Variants in TMPRSS15 observed in about 807,000 individuals in gnomAD.
The protein encoded by TMPRSS15 is enteropeptidase.
In TMPRSS15, 128 loss-of-function variants were observed where a neutral mutation model predicts 125.3. The ratio of observed to expected loss-of-function variants is 1.02; its 90% CI spans 0.89 to 1.18. TMPRSS15 has a LOEUF of 1.18. Ranked by LOEUF, TMPRSS15 falls within the 50% of genes most tolerant of loss-of-function variation. The probability of loss-of-function intolerance (pLI) is 0.00; values close to 1 mark genes in which losing one functional copy is unlikely to be tolerated. For missense variants in TMPRSS15, 1,283 were observed against 1,212.7 expected (o/e 1.06, Z -0.86); for synonymous variants, 446 against 423.2 (o/e 1.05, Z -0.66).
chr21:18,476,741 G>A (rs1461355298), intron 1 of TMPRSS15, among the ~76,000 whole-genome samples: 1 of 152,020 alleles, frequency 6.6e-6, no homozygotes. Flanking sequence ...TACAAGAAAA[G>A]GCTTTCATAC....
At chr21:18,441,082 C>T (rs1035279140) in intron 1 of TMPRSS15, among the ~76,000 whole-genome samples, 5 of 150,150 alleles carry the variant, frequency 3.3e-5, no homozygotes, top group African/African-American at 1.2e-4. Context: ...CACCTGAGGT[C>T]AGGAGTTCGA....
chr21:18,412,867 T>C (rs1476297637), intron 1 of TMPRSS15, among the ~76,000 whole-genome samples: 2 of 152,182 alleles, frequency 1.3e-5, no homozygotes, highest in African/African-American at 2.4e-5. Flanking sequence ...GTAAAATTGG[T>C]TAGGTGTAGG....
intron 8 of TMPRSS15, among the ~76,000 whole-genome samples, chr21:18,355,327 T>C (rs536526188): frequency 1.3e-5 from 2 of 151,924 alleles, no homozygotes; most frequent in East Asian, 3.9e-4. Context: ...CCTTAGTGTG[T>C]TGGATTTCAT....
intron 21 of TMPRSS15, among the ~76,000 whole-genome samples, chr21:18,293,148 ATCTTTTAATGTTCAT>A (rs1240716578): frequency 2.0e-5 from 3 of 152,172 alleles, no homozygotes; most frequent in African/African-American, 7.2e-5. Context: ...CATAAGTGCA[ATCTTTTAATGTTCAT>A]TCTACCTGGC....
At chr21:18,411,290 A>G (rs2076165378) in intron 1 of TMPRSS15, among the ~76,000 whole-genome samples, 1 of 152,122 alleles carries the variant, frequency 6.6e-6, no homozygotes, top group South Asian at 2.1e-4. Context: ...ACCCAGCTGT[A>G]TATATAAGGA....
At position 18,309,198 on chromosome 21, in the gene TMPRSS15, A is replaced by C. The variant is rs1006437533; in HGVS notation, c.2165+3747T>G. On this transcript the variant is annotated intron_variant, in intron 18 of 24. Transcript: ENST00000284885. ...TTCCACAATGTTGGGAAAACTGGCT[A>C]GCCATATGCAGAAAACTGAAACTGG... Among the ~76,000 whole-genome samples the C allele has an allele frequency of 2.6e-5, 4 of 152,198 alleles. No homozygotes were observed. In the South Asian group the frequency reaches 8.3e-4, roughly 31 times the overall value.
In TMPRSS15 at chr21:18,329,225, T is replaced by C. The variant is rs2146965603; in HGVS notation, c.1724A>G (p.Asn575Ser). 1.2e-6 allele frequency: 2 copies of C among 1,612,816 alleles called. No homozygotes were observed. Among genetic ancestry groups the C allele is most frequent in the East Asian group, 2.2e-5 (1 of 44,704 alleles). The change falls in exon 15 of 25, where the codon AAT becomes AGT. Residue 575 changes from asparagine to serine, a missense_variant. Asn to Ser is a conservative substitution (Grantham distance 46, BLOSUM62 1). Transcript: ENST00000284885. The stretch of plus-strand genomic sequence containing the variant: ...TCTTATTTCAACTACATCGTTAATA[T>C]TTTCTAAGTCAAATTCTTGAAAATG... ...QLHFQEFDLE[N>S]INDVVEIRDG...
At position 18,384,849 on chromosome 21, in the gene TMPRSS15, A is replaced by G. The variant is rs189037413; in HGVS notation, c.345-1071T>C. Among the ~76,000 whole-genome samples, 237 of 152,308 alleles carry G rather than the reference A, an allele frequency of 1.6e-3. 1 individual carries two copies. The highest frequency in any genetic ancestry group is 3.0e-3 in the Non-Finnish European group (203 of 68,022). On this transcript the variant is annotated intron_variant, in intron 3 of 24. Coordinates refer to ENST00000284885, the MANE Select transcript of TMPRSS15 (RefSeq NM_002772.3). ...CTTGTTGAAGGATTTTCTCAAGTCC[A>G]GTAGAATTCTTTATTTATCTCTCCA...
chr21:18,420,748 C>A (rs181387044), intron 1 of TMPRSS15, among the ~76,000 whole-genome samples: 17 of 152,232 alleles, frequency 1.1e-4, no homozygotes, highest in South Asian at 1.0e-3. Flanking sequence ...GCGAGATTCA[C>A]AATGTAGATG....
chr21:18,399,411 T>C (rs892770728), intron 1 of TMPRSS15, among the ~76,000 whole-genome samples: 3 of 152,136 alleles, frequency 2.0e-5, no homozygotes, highest in Non-Finnish European at 4.4e-5. Flanking sequence ...AATTGCATAA[T>C]TGATGTAACA....
chr21:18,388,290 T>A (rs1023384759), intron 3 of TMPRSS15, among the ~76,000 whole-genome samples: 2 of 152,132 alleles, frequency 1.3e-5, no homozygotes, highest in African/African-American at 4.8e-5. Flanking sequence ...TAGGTAGCTA[T>A]AAAGGAGGGG....
At chr21:18,432,080 T>C (rs1479047412) in intron 1 of TMPRSS15, among the ~76,000 whole-genome samples, 1 of 152,170 alleles carries the variant, frequency 6.6e-6, no homozygotes, top group Non-Finnish European at 1.5e-5. Flanking sequence ...TCTGAATAAT[T>C]TGTAGCTTCC....
chr21:18,393,185 T>C (rs2076005593), intron 3 of TMPRSS15, among the ~76,000 whole-genome samples: 1 of 152,088 alleles, frequency 6.6e-6, no homozygotes, highest in Admixed American at 6.5e-5. Flanking sequence ...TTTAGTATGA[T>C]AGCACTAGAA....
chr21:18,340,353 C>T (rs2075434340), intron 13 of TMPRSS15, among the ~76,000 whole-genome samples: 2 of 151,922 alleles, frequency 1.3e-5, no homozygotes, highest in African/African-American at 4.8e-5. Flanking sequence ...GACTCTTGGA[C>T]CTACACCTGG....
chr21:18,308,559 A>G (rs1440863232), intron 18 of TMPRSS15, among the ~76,000 whole-genome samples: 2 of 151,812 alleles, frequency 1.3e-5, no homozygotes, highest in Non-Finnish European at 2.9e-5. Context: ...GTTTAAAAGT[A>G]CATATATGAA....
At chr21:18,333,759 G>A (rs1167611728) in intron 13 of TMPRSS15, among the ~76,000 whole-genome samples, 1 of 152,054 alleles carries the variant, frequency 6.6e-6, no homozygotes. Flanking sequence ...AGGTCTTCCA[G>A]CTCAGAGTCT....
chr21:18,359,862 C>T lies in TMPRSS15; in HGVS notation c.775G>A (p.Val259Ile), dbSNP rs2075663582. ...TSVVCQWIIRVNQGLSIKLSF... is the reference protein window; with the variant it reads ...TSVVCQWIIRINQGLSIKLSF... ...AGTTTAATGGAAAGTCCTTGGTTTA[C>T]ACTAAATTAAAAGCAAAAAATAGAT... The change falls in exon 8 of 25, where the codon GTA becomes ATA. Residue 259 changes from valine (V) to isoleucine (I), a missense_variant and splice_region_variant. By Grantham distance (29) the Val-to-Ile change is conservative. Coordinates refer to ENST00000284885, the MANE Select transcript of TMPRSS15 (RefSeq NM_002772.3). The T allele has an allele frequency of 3.4e-6, 5 of 1,455,250 alleles. No individual in the cohort carries two copies. The East Asian group carries it at 1.1e-4, about 33-fold the overall frequency. 90.1% of individuals were successfully genotyped at this position (1,455,250 alleles called of 1,614,324 possible).
rs552447925 is a variant in TMPRSS15, at chr21:18,325,410, G to T, written c.1921+1022C>A. ...GGCCAGATGGTAGACCTCTTTATCT[G>T]CCATAAAGATTAAGGCAGGCAGCTT... On this transcript the variant is annotated intron_variant, in intron 16 of 24. Coordinates refer to ENST00000284885, the MANE Select transcript of TMPRSS15 (RefSeq NM_002772.3). Among the ~76,000 whole-genome samples the T allele has an allele frequency of 2.6e-5, 4 of 152,158 alleles. No homozygotes were observed. The South Asian group carries it at 8.3e-4, about 32-fold the overall frequency.
chr21:18,425,130 A>T (rs1173779505), intron 1 of TMPRSS15, among the ~76,000 whole-genome samples: 1 of 151,848 alleles, frequency 6.6e-6, no homozygotes, highest in Non-Finnish European at 1.5e-5. Flanking sequence ...GAAAATTTAA[A>T]AGAATATATA....
Sources: allele counts gnomAD v4.1 joint callset (sites outside exome capture counted in the v4.1 genomes callset), GRCh38; gene constraint gnomAD v4.1.1; transcripts MANE v1.5; gene names NCBI Gene and HGNC (gene_info 2026-07-23, HGNC 2026-07-21).